Variants in THSD4 observed in about 807,000 individuals in gnomAD.
The protein encoded by THSD4 is thrombospondin type 1 domain containing 4, also known as thrombospondin type-1 domain-containing protein 4.
THSD4 carries 69 observed loss-of-function variants against 119.0 expected under a neutral mutation model. That is an observed-to-expected ratio of 0.58 (90% CI 0.48 to 0.71). THSD4 has a LOEUF of 0.71. Ranked by LOEUF, THSD4 falls within the 30% of genes least tolerant of loss-of-function variation. The probability of loss-of-function intolerance (pLI) is 0.00; values close to 1 mark genes in which losing one functional copy is unlikely to be tolerated. For missense variants in THSD4, 1,393 were observed against 1,391.1 expected, an observed-to-expected ratio of 1.00 and a Z score of -0.02; for synonymous variants, 524 against 540.4, an observed-to-expected ratio of 0.97 and a Z score of 0.42.
At chr15:71,505,151 T>C (rs2048168714) in intron 7 of THSD4, among the ~76,000 whole-genome samples, 1 of 152,186 alleles carries the variant, frequency 6.6e-6, no homozygotes, top group Non-Finnish European at 1.5e-5. Context: ...AGCACAGTCC[T>C]TGCCTTTACC....
intron 7 of THSD4, among the ~76,000 whole-genome samples, chr15:71,542,431 C>A (rs916627376): frequency 6.6e-6 from 1 of 152,056 alleles, no homozygotes; most frequent in East Asian, 1.9e-4. Context: ...GCAGATACCA[C>A]CTGAACCACA....
At chr15:71,698,863 A>G (rs184193190) in intron 8 of THSD4, among the ~76,000 whole-genome samples, 2 of 152,012 alleles carry the variant, frequency 1.3e-5, no homozygotes, top group African/African-American at 4.8e-5. Context: ...GGAATCTAAA[A>G]TAGCCAAACT....
At chr15:71,297,636 TTCC>T (rs1258377974) in intron 6 of THSD4, among the ~76,000 whole-genome samples, 2 of 152,062 alleles carry the variant, frequency 1.3e-5, no homozygotes, top group African/African-American at 2.4e-5. Context: ...GCTCGGCCTT[TTCC>T]TCCTCCTTTT....
chr15:71,126,353 A>G (rs1253427045), intron 1 of THSD4, among the ~76,000 whole-genome samples: 1 of 152,164 alleles, frequency 6.6e-6, no homozygotes, highest in African/African-American at 2.4e-5. Flanking sequence ...TCTACCCAGA[A>G]GCAATGACGA....
chr15:71,682,522 A>G (rs2051803921), intron 8 of THSD4, among the ~76,000 whole-genome samples: 1 of 151,846 alleles, frequency 6.6e-6, no homozygotes, highest in Non-Finnish European at 1.5e-5. Flanking sequence ...CTGTTTTTAG[A>G]AAAACCTTAT....
At chr15:71,475,476 G>A (rs1049219035) in intron 7 of THSD4, among the ~76,000 whole-genome samples, 2 of 152,168 alleles carry the variant, frequency 1.3e-5, no homozygotes, top group East Asian at 1.9e-4. Flanking sequence ...AGATTTGGTG[G>A]CGTAAATCTG....
chr15:71,140,525 G>A (rs1045057459), intron 1 of THSD4, among the ~76,000 whole-genome samples: 2 of 152,120 alleles, frequency 1.3e-5, no homozygotes, highest in Non-Finnish European at 2.9e-5. Context: ...CTGGGAATCA[G>A]TTTTCGGCAT....
intron 7 of THSD4, among the ~76,000 whole-genome samples, chr15:71,646,321 A>G (rs988162343): frequency 3.9e-5 from 6 of 152,246 alleles, no homozygotes; most frequent in Non-Finnish European, 5.9e-5. Context: ...ACCAGAGTCC[A>G]TAAGTTGTCA....
At chr15:71,115,426 G>A (rs1224149316), upstream of THSD4, 1 of 152,206 alleles carries the variant, frequency 6.6e-6, no homozygotes, top group African/African-American at 2.4e-5. The surrounding 1 kb of genome is among the most constrained non-coding windows in gnomAD (Gnocchi z 4.4). Context: ...GCCGCAAGAG[G>A]GGAGGGAGGA....
chr15:71,381,528 T>G (rs1210148428), intron 6 of THSD4, among the ~76,000 whole-genome samples: 1 of 152,240 alleles, frequency 6.6e-6, no homozygotes, highest in East Asian at 1.9e-4. Flanking sequence ...TGGAATTATC[T>G]TAAGGTTGTC....
chr15:71,392,389 G>A (rs1328540812), intron 6 of THSD4, among the ~76,000 whole-genome samples: 1 of 152,118 alleles, frequency 6.6e-6, no homozygotes, highest in African/African-American at 2.4e-5. Flanking sequence ...TTGTCATACC[G>A]ATTTTGACAG....
chr15:71,548,541 A>G (rs2048875644), intron 7 of THSD4, among the ~76,000 whole-genome samples: 2 of 152,208 alleles, frequency 1.3e-5, no homozygotes, highest in Admixed American at 1.3e-4. Context: ...CAAAACAGAC[A>G]TGCAGCTCAG....
chr15:71,215,283 G>C lies in THSD4; in HGVS notation c.348G>C (p.Arg116=), dbSNP rs1250461971. The part of the protein sequence containing the change: ...SAVRTSVPLH[R]SRDETPALAG... The stretch of plus-strand genomic sequence containing the variant: ...TGCGCACGTCGGTGCCACTGCACCG[G>C]AGCCGCGACGAGACGCCAGCGCTGG... The change falls in exon 4 of 18, where the codon CGG becomes CGC. Residue 116 remains arginine, a synonymous_variant. Coordinates refer to ENST00000261862, the MANE Select transcript of THSD4 (RefSeq NM_024817.3). 1.3e-6 allele frequency: 2 copies of C among 1,521,496 alleles called. No homozygotes were observed. The highest frequency in any genetic ancestry group is 1.2e-5 in the South Asian group (1 of 83,362). 94.2% of individuals were successfully genotyped at this position (1,521,496 alleles called of 1,614,324 possible).
At chr15:71,612,045 G>T (rs893273791) in intron 7 of THSD4, among the ~76,000 whole-genome samples, 1 of 152,194 alleles carries the variant, frequency 6.6e-6, no homozygotes, top group Non-Finnish European at 1.5e-5. Flanking sequence ...GCTAAGACTT[G>T]TGGGGTCCCA....
intron 6 of THSD4, among the ~76,000 whole-genome samples, chr15:71,403,363 A>G (rs559475093): frequency 6.6e-6 from 1 of 152,312 alleles, no homozygotes; most frequent in African/African-American, 2.4e-5. Context: ...CTATGCCTCA[A>G]AAATTATAAG....
At chr15:71,758,426 A>C (rs1370919769) in intron 15 of THSD4, among the ~76,000 whole-genome samples, 2 of 152,236 alleles carry the variant, frequency 1.3e-5, no homozygotes, top group African/African-American at 4.8e-5. Context: ...TTGTGTACAT[A>C]AAGTATGTAG....
intron 6 of THSD4, among the ~76,000 whole-genome samples, chr15:71,381,186 A>G (rs907635414): frequency 1.3e-5 from 2 of 152,090 alleles, no homozygotes; most frequent in African/African-American, 4.8e-5. Flanking sequence ...AACTTTAAGG[A>G]CTCAGGAAGG....
chr15:71,748,998 G>T (rs935713900), intron 14 of THSD4, among the ~76,000 whole-genome samples: 2 of 152,224 alleles, frequency 1.3e-5, no homozygotes, highest in African/African-American at 4.8e-5. Context: ...GGCCTCCCAT[G>T]GGAAGTCTCA....
At chr15:71,743,572 TC>T (rs59797323) in intron 11 of THSD4, among the ~76,000 whole-genome samples, 5,331 of 152,308 alleles carry the variant, frequency 0.035, 270 homozygotes, top group African/African-American at 0.1. Flanking sequence ...CCACAAAAGT[TC>T]TTTGCATCCC....
Sources: gnomAD v4.1 joint callset for allele counts (sites outside exome capture counted in the v4.1 genomes callset) on GRCh38, gnomAD v4.1.1 for gene constraint, Gnocchi (gnomAD v3.1) non-coding constraint, MANE v1.5 for transcripts, NCBI Gene and HGNC (gene_info 2026-07-23, HGNC 2026-07-21) for gene names.